Variants in ESRRG observed in about 807,000 individuals in gnomAD.
ESRRG encodes the protein estrogen-related receptor gamma.
ESRRG carries 13 observed loss-of-function variants against 44.0 expected under a neutral mutation model. The observed-to-expected ratio is 0.30, with a 90% CI of 0.19 to 0.47. The LOEUF is 0.47. Among genes scored for constraint, ESRRG ranks in the 20% least tolerant of loss-of-function variants. The pLI is 1.00. For missense variants in ESRRG, 395 were observed against 580.6 expected, an observed-to-expected ratio of 0.68 and a Z score of 3.29; for synonymous variants, 215 against 214.6, an observed-to-expected ratio of 1.00 and a Z score of -0.02.
At chr1:217,114,009 A>G (rs577841453) in intron 1 of ESRRG, among the ~76,000 whole-genome samples, 3 of 152,200 alleles carry the variant, frequency 2.0e-5, no homozygotes, top group Non-Finnish European at 1.5e-5. Flanking sequence ...TAAAAGAAAA[A>G]AAAAAGGAAA....
At chr1:216,958,034 ACGCAC>A (rs978440470) in intron 1 of ESRRG, among the ~76,000 whole-genome samples, 3 of 73,174 alleles carry the variant, frequency 4.1e-5, no homozygotes, top group Admixed American at 1.3e-4. Flanking sequence ...AACGTATAGT[ACGCAC>A]CACCATGTGT....
chr1:216,956,810 C>T (rs1301013228), intron 1 of ESRRG, among the ~76,000 whole-genome samples: 1 of 152,102 alleles, frequency 6.6e-6, no homozygotes, highest in East Asian at 1.9e-4. Flanking sequence ...TTCGCATGAA[C>T]AATTCCTATG....
At chr1:216,544,749 G>GTTTT (rs772297946) in intron 5 of ESRRG, among the ~76,000 whole-genome samples, 8 of 151,898 alleles carry the variant, frequency 5.3e-5, no homozygotes, top group Non-Finnish European at 1.2e-4. Flanking sequence ...GTTTTGTTTT[G>GTTTT]TTTTGTTTTG....
At chr1:217,119,160 C>T (rs935056351) in intron 1 of ESRRG, among the ~76,000 whole-genome samples, 4 of 152,128 alleles carry the variant, frequency 2.6e-5, no homozygotes, top group Admixed American at 6.6e-5. Flanking sequence ...TGGGTTAATG[C>T]AATTAAAATA....
chr1:216,752,328 T>G (rs143032317), intron 2 of ESRRG, among the ~76,000 whole-genome samples: 1 of 152,186 alleles, frequency 6.6e-6, no homozygotes, highest in East Asian at 1.9e-4. Context: ...GTTCTATCAA[T>G]GGAAATTACG....
At chr1:216,607,068 T>C (rs1277170003) in intron 3 of ESRRG, among the ~76,000 whole-genome samples, 5 of 152,240 alleles carry the variant, frequency 3.3e-5, no homozygotes, top group African/African-American at 7.2e-5. Flanking sequence ...GAACCCATAA[T>C]GGTTTTGTTG....
At chr1:217,125,488 T>C (rs2092878106) in intron 1 of ESRRG, among the ~76,000 whole-genome samples, 1 of 152,228 alleles carries the variant, frequency 6.6e-6, no homozygotes, top group African/African-American at 2.4e-5. Flanking sequence ...CTTCCCTCCA[T>C]AGATTGTGAG....
chr1:216,507,266 A>G lies in ESRRG; in HGVS notation c.1133-83T>C, dbSNP rs965837068. On this transcript the variant is annotated intron_variant, in intron 6 of 6. Coordinates refer to ENST00000408911, the MANE Select transcript of ESRRG (RefSeq NM_001438.4). ...ACTAGAGTTATAAAATTAGTTATTA[A>G]TTTAATTATTTTTGAACTTCTCTGA... is the stretch of plus-strand genomic sequence containing the variant. 3.2e-6 allele frequency: 3 copies of G among 941,252 alleles called. No homozygotes were observed. In the African/African-American group the frequency reaches 5.1e-5, roughly 16 times the overall value. 58.3% of individuals were successfully genotyped at this position (941,252 alleles called of 1,614,324 possible).
chr1:216,591,480 G>T (rs2057657633), intron 3 of ESRRG, among the ~76,000 whole-genome samples: 1 of 152,100 alleles, frequency 6.6e-6, no homozygotes, highest in Admixed American at 6.6e-5. Context: ...ATACCCAGTT[G>T]GTGCCTAGAG....
At chr1:216,621,187 C>G (rs1297099681) in intron 3 of ESRRG, among the ~76,000 whole-genome samples, 1 of 152,166 alleles carries the variant, frequency 6.6e-6, no homozygotes, top group Non-Finnish European at 1.5e-5. Context: ...AAAGTACTAA[C>G]CTTGACCTAC....
chr1:216,664,526 T>C (rs930203945), intron 2 of ESRRG, among the ~76,000 whole-genome samples: 4 of 150,784 alleles, frequency 2.7e-5, no homozygotes, highest in Non-Finnish European at 5.9e-5. Context: ...CTCAGGAATC[T>C]TAAGACAGCT....
chr1:216,685,903 A>C (rs915091912), intron 1 of ESRRG, among the ~76,000 whole-genome samples: 4 of 152,216 alleles, frequency 2.6e-5, no homozygotes, highest in Non-Finnish European at 5.9e-5. Context: ...TCTAAAAGGT[A>C]CTCTGCAACT....
At chr1:216,527,354 T>C (rs892601218) in intron 5 of ESRRG, among the ~76,000 whole-genome samples, 1 of 152,162 alleles carries the variant, frequency 6.6e-6, no homozygotes, top group Non-Finnish European at 1.5e-5. Flanking sequence ...TATTTCTTTC[T>C]TCCATCCTAC....
At chr1:216,647,286 G>T (rs1404772824) in intron 3 of ESRRG, among the ~76,000 whole-genome samples, 1 of 152,070 alleles carries the variant, frequency 6.6e-6, no homozygotes, top group East Asian at 1.9e-4. Flanking sequence ...AAAAAATAAT[G>T]CTGGCCCATC....
chr1:216,758,586 A>G (rs1358680126), intron 2 of ESRRG, among the ~76,000 whole-genome samples: 14 of 151,898 alleles, frequency 9.2e-5, no homozygotes, highest in Non-Finnish European at 2.9e-5. Context: ...CTCAAAGTCT[A>G]CAGTATATTT....
intron 5 of ESRRG, among the ~76,000 whole-genome samples, chr1:216,555,449 T>C (rs1308950122): frequency 1.3e-5 from 2 of 152,066 alleles, no homozygotes; most frequent in African/African-American, 4.8e-5. Context: ...CAAAGCTGGA[T>C]TACCCAGCTA....
At chr1:216,545,775 C>T (rs1282852926) in intron 5 of ESRRG, among the ~76,000 whole-genome samples, 1 of 151,954 alleles carries the variant, frequency 6.6e-6, no homozygotes, top group Admixed American at 6.6e-5. Context: ...CAAGAAAACT[C>T]TTAATTCAAA....
At position 217,134,917 on chromosome 1, in the gene ESRRG, C is replaced by A. The variant is rs1288878313; in HGVS notation, c.-230+2750G>T. Among the ~76,000 whole-genome samples the A allele has an allele frequency of 2.6e-5, 4 of 152,250 alleles. No homozygotes were observed. The East Asian group carries it at 7.7e-4, about 29-fold the overall frequency. On this transcript the variant is annotated intron_variant, in intron 1 of 8. Coordinates refer to the ESRRG transcript ENST00000366940. ...CACAGCAAGCGAGTCCTGGCCGCAG[C>A]CGCTGGAAAAAGGTGCCGCAGCGCC...
At chr1:216,731,835 G>A (rs1033962053) in intron 2 of ESRRG, among the ~76,000 whole-genome samples, 2 of 152,158 alleles carry the variant, frequency 1.3e-5, no homozygotes, top group Non-Finnish European at 2.9e-5. Context: ...TTTGGATAAC[G>A]AAAGTTTATC....
Sources: allele counts gnomAD v4.1 joint callset (sites outside exome capture counted in the v4.1 genomes callset), GRCh38; gene constraint gnomAD v4.1.1; transcripts MANE v1.5; gene names NCBI Gene and HGNC (gene_info 2026-07-23, HGNC 2026-07-21).